Variants in TTLL5 observed in about 807,000 individuals in gnomAD.
TTLL5 encodes tubulin polyglutamylase TTLL5.
A neutral mutation model predicts 168.4 loss-of-function variants in TTLL5; 132 were observed. The observed-to-expected ratio is 0.78, with a 90% CI of 0.68 to 0.91. TTLL5 has a LOEUF of 0.91. Among genes scored for constraint, TTLL5 ranks in the 40% least tolerant of loss-of-function variants. The pLI is 0.00. For synonymous variants in TTLL5, 546 were observed against 558.6 expected (o/e 0.98, Z 0.32); for missense variants, 1,545 against 1,581.5 (o/e 0.98, Z 0.39).
At chr14:75,705,427 G>T (rs1050610624) in intron 7 of TTLL5, among the ~76,000 whole-genome samples, 1 of 152,170 alleles carries the variant, frequency 6.6e-6, no homozygotes, top group Non-Finnish European at 1.5e-5. Context: ...GAATTTGGGG[G>T]ACAATTAAAT....
intron 9 of TTLL5, among the ~76,000 whole-genome samples, chr14:75,716,598 CCTT>C (rs983294975): frequency 1.1e-4 from 17 of 151,874 alleles, no homozygotes; most frequent in Admixed American, 3.3e-4. Flanking sequence ...AAACTTGTGG[CCTT>C]CTTTTTTTTT....
In TTLL5 at chr14:75,868,913, A is replaced by G. The variant is rs1378400589; in HGVS notation, c.3522+5051A>G. ...CATGCTAGCTCCTCAGCGTGGCACA[A>G]AGAGCAGGCAAACAGTCTAGCCATG... is the stretch of plus-strand genomic sequence containing the variant. On this transcript the variant is annotated intron_variant, in intron 29 of 31. Coordinates refer to ENST00000298832, the MANE Select transcript of TTLL5 (RefSeq NM_015072.5). Among the ~76,000 whole-genome samples, 3 of 152,016 alleles carry G rather than the reference A, an allele frequency of 2.0e-5. No homozygotes were observed. The East Asian group carries it at 5.8e-4, about 29-fold the overall frequency.
At chr14:75,716,051 G>A (rs10132656) in intron 9 of TTLL5, among the ~76,000 whole-genome samples, 2 of 152,122 alleles carry the variant, frequency 1.3e-5, no homozygotes, top group African/African-American at 2.4e-5. Flanking sequence ...TCACCTTGAG[G>A]TAATGTCTGG....
chr14:75,932,965 C>T (rs942503277), intron 31 of TTLL5, among the ~76,000 whole-genome samples: 3 of 152,198 alleles, frequency 2.0e-5, no homozygotes, highest in Admixed American at 6.5e-5. Context: ...CAGAAAAGTA[C>T]ACTGATTCAT....
intron 22 of TTLL5, 77 bp downstream of exon 22, chr14:75,775,707 C>A: frequency 6.5e-7 from 1 of 1,528,802 alleles, no homozygotes; most frequent in Non-Finnish European, 8.9e-7. Context: ...AGCCTCTGTC[C>A]AACTGGATGG....
intron 12 of TTLL5, among the ~76,000 whole-genome samples, chr14:75,728,943 G>A (rs1305644558): frequency 6.6e-6 from 1 of 152,132 alleles, no homozygotes; most frequent in Non-Finnish European, 1.5e-5. Context: ...TTAGCAATAA[G>A]GTAGTCTTTG....
chr14:75,897,739 C>A (rs1393979266), intron 30 of TTLL5, among the ~76,000 whole-genome samples: 1 of 152,150 alleles, frequency 6.6e-6, no homozygotes, highest in Non-Finnish European at 1.5e-5. Flanking sequence ...TCCCAAAGTG[C>A]TAGGATTACA....
chr14:75,856,653 GTC>G (rs1390347622), intron 28 of TTLL5, among the ~76,000 whole-genome samples: 1 of 125,096 alleles, frequency 8.0e-6, no homozygotes, highest in South Asian at 2.7e-4. Context: ...TTGAGACAGA[GTC>G]TCTCTCTGTT....
intron 7 of TTLL5, among the ~76,000 whole-genome samples, chr14:75,702,949 C>A (rs1886385651): frequency 6.6e-6 from 1 of 152,126 alleles, no homozygotes; most frequent in Non-Finnish European, 1.5e-5. Flanking sequence ...TGGAATTTTA[C>A]CACCTTTTAC....
intron 6 of TTLL5, among the ~76,000 whole-genome samples, chr14:75,692,488 G>A (rs937088544): frequency 8.5e-5 from 13 of 152,152 alleles, no homozygotes; most frequent in African/African-American, 2.7e-4. Flanking sequence ...TTAATTGAGT[G>A]TGGGCAATAG....
chr14:75,904,890 A>G (rs1306222829), intron 31 of TTLL5, among the ~76,000 whole-genome samples: 1 of 152,214 alleles, frequency 6.6e-6, no homozygotes, highest in Non-Finnish European at 1.5e-5. Flanking sequence ...CATTTTCTAT[A>G]CTTCCCAATG....
At chr14:75,884,196 A>G (rs1421481737) in intron 30 of TTLL5, among the ~76,000 whole-genome samples, 3 of 152,236 alleles carry the variant, frequency 2.0e-5, no homozygotes, top group African/African-American at 7.2e-5. Flanking sequence ...ATGCATTCTA[A>G]AACCACACTC....
intron 27 of TTLL5, among the ~76,000 whole-genome samples, chr14:75,798,276 TGTTG>T (rs1893099369): frequency 6.6e-6 from 1 of 152,004 alleles, no homozygotes; most frequent in Admixed American, 6.5e-5. Context: ...ATTTCTGTGG[TGTTG>T]GTTGTACTAT....
chr14:75,767,988 A>G lies in TTLL5; in HGVS notation c.2015+1620A>G, dbSNP rs78095603. On this transcript the variant is annotated intron_variant, in intron 20 of 31. Transcript: ENST00000298832. ...AGGAGTTGGTTTCATGTTAAAAACA[A>G]TGAGTTTGATTTAAGATGTAGTAAG... Among the ~76,000 whole-genome samples, 79 of 152,344 alleles carry G rather than the reference A, an allele frequency of 5.2e-4. 1 individual carries two copies. The East Asian group carries it at 0.014, about 26-fold the overall frequency.
At chr14:75,857,108 ATC>A (rs2139916237) in intron 28 of TTLL5, among the ~76,000 whole-genome samples, 1 of 152,322 alleles carries the variant, frequency 6.6e-6, no homozygotes, top group Non-Finnish European at 1.5e-5. Flanking sequence ...AATGAATAAT[ATC>A]TTTTTTTCTT....
chr14:75,848,354 C>T (rs1275201215), intron 28 of TTLL5, among the ~76,000 whole-genome samples: 1 of 152,090 alleles, frequency 6.6e-6, no homozygotes, highest in African/African-American at 2.4e-5. Context: ...CTGCCCTAGA[C>T]AATCTGCACA....
chr14:75,905,870 A>G (rs573724472), intron 31 of TTLL5, among the ~76,000 whole-genome samples: 12 of 152,142 alleles, frequency 7.9e-5, no homozygotes, highest in Non-Finnish European at 1.6e-4. Flanking sequence ...CTGGAGCCCA[A>G]CCTCTCCCTC....
At chr14:75,901,066 T>C (rs1219991045) in intron 30 of TTLL5, among the ~76,000 whole-genome samples, 1 of 152,204 alleles carries the variant, frequency 6.6e-6, no homozygotes, top group Non-Finnish European at 1.5e-5. Context: ...GTTGAAAGCT[T>C]TGATCTCTCA....
At chr14:75,870,697 A>G (rs190938797) in intron 29 of TTLL5, among the ~76,000 whole-genome samples, 79 of 152,038 alleles carry the variant, frequency 5.2e-4, no homozygotes, top group African/African-American at 1.8e-3. Flanking sequence ...TATTTCTATG[A>G]TAGGTGTTTT....
Sources: allele counts gnomAD v4.1 joint callset (sites outside exome capture counted in the v4.1 genomes callset), GRCh38; gene constraint gnomAD v4.1.1; transcripts MANE v1.5; gene names NCBI Gene and HGNC (gene_info 2026-07-23, HGNC 2026-07-21).